The following COL18A1 variants were observed in gnomAD, a reference collection of about 807,000 sequenced individuals.
COL18A1 encodes the protein collagen alpha-1(XVIII) chain.
In COL18A1, 133 loss-of-function variants were observed where a neutral mutation model predicts 168.0. The observed-to-expected ratio is 0.79, with a 90% CI of 0.69 to 0.91. COL18A1 has a LOEUF of 0.91. Ranked by LOEUF, COL18A1 falls within the 40% of genes least tolerant of loss-of-function variation. The pLI, the probability that COL18A1 is intolerant of heterozygous loss-of-function variation, is 0.00. For missense variants in COL18A1, 2,126 were observed against 1,925.4 expected, an observed-to-expected ratio of 1.10 and a Z score of -1.95; for synonymous variants, 949 against 809.0, an observed-to-expected ratio of 1.17 and a Z score of -2.94.
Position 45,456,080 on chromosome 21 carries a change from G to A in COL18A1, c.107-12162G>A, listed in dbSNP as rs749957649. 6.2e-6 allele frequency: 10 copies of A among 1,602,568 alleles called. No homozygotes were observed. Among genetic ancestry groups the A allele is most frequent in the East Asian group, 2.2e-5 (1 of 44,648 alleles). On this transcript the variant is annotated intron_variant, in intron 2 of 41. Coordinates refer to ENST00000651438, the MANE Select transcript of COL18A1 (RefSeq NM_001379500.1). ...TAGCTCTCCGGGCGCCCACACAACC[G>A]AGGCTGGCACCTTGCCTGCACCCAC...
Position 45,504,496 on chromosome 21 carries a change from C to T in COL18A1, c.2808C>T (p.Ser936=). The change falls in exon 34 of 42, where the codon AGC becomes AGT. Residue 936 remains serine, a synonymous_variant. Coordinates refer to ENST00000651438, the MANE Select transcript of COL18A1 (RefSeq NM_001379500.1). Reference sequence around the variant, plus strand: ...GGGGCGGCGGTTTCTTCGGCTCCAGCCTGCCCGGCCCCCCCGGCCCCCCAG... The same window carrying T: ...GGGGCGGCGGTTTCTTCGGCTCCAGTCTGCCCGGCCCCCCCGGCCCCCCAG... ...EPGGGGFFGS[S]LPGPPGPPGP... 6.6e-7 allele frequency: 1 copy of T among 1,516,218 alleles called. No individual in the cohort carries two copies. The highest frequency in any genetic ancestry group is 8.8e-7 in the Non-Finnish European group (1 of 1,141,898). The allele number at this position is 1,516,218 out of a possible 1,614,324, so 93.9% of individuals were successfully genotyped here. A position where few individuals can be genotyped will look rare whatever the true frequency, so the allele number is the denominator to read the frequency against.
At chr21:45,495,228 G>A (rs2036489190) in intron 28 of COL18A1, 130 bp from the exon 29 acceptor site, 1 of 783,202 alleles carries the variant, frequency 1.3e-6, no homozygotes, top group Non-Finnish European at 2.2e-6. Context: ...GGTAGCCTGA[G>A]AGCTGGGAAC....
At position 45,459,545 on chromosome 21, in the gene COL18A1, C is replaced by T. The variant is rs139277671; in HGVS notation, c.107-8697C>T. Among the ~76,000 whole-genome samples the T allele has an allele frequency of 1.6e-4, 24 of 152,360 alleles. No homozygotes were observed. In the East Asian group the frequency reaches 4.2e-3, roughly 27 times the overall value. On this transcript the variant is annotated intron_variant, in intron 2 of 41. Coordinates refer to ENST00000651438, the MANE Select transcript of COL18A1 (RefSeq NM_001379500.1). ...GCACTGCCCTGTGTGTCCACCCCGC[C>T]GGCCCACCTCGAGGAGAGTGTGGGG...
At chr21:45,437,459 G>GGCACTCTCCTGC (rs1185932301) in intron 2 of COL18A1, among the ~76,000 whole-genome samples, 93 of 3,848 alleles carry the variant, frequency 0.024, 7 homozygotes, top group African/African-American at 0.051. Flanking sequence ...CTCACAGACA[G>GGCACTCTCCTGC]ACACACAGGC....
In COL18A1 at chr21:45,438,963, A is replaced by G. The variant is rs558973433; in HGVS notation, c.107-29279A>G. ...GCTGTGGGTCTGTGTGGAGATGGATACCGAAAGCCACAGGACGTGCTTAGG... is the reference window on the plus strand; with the variant it reads ...GCTGTGGGTCTGTGTGGAGATGGATGCCGAAAGCCACAGGACGTGCTTAGG... On this transcript the variant is annotated intron_variant, in intron 2 of 41. Transcript: ENST00000651438. Among the ~76,000 whole-genome samples, 15 of 152,224 alleles carry G rather than the reference A, an allele frequency of 9.9e-5. No homozygotes were observed. The South Asian group carries it at 2.9e-3, about 29-fold the overall frequency.
In COL18A1 at chr21:45,494,928, G is replaced by T. The variant is rs1286238313; in HGVS notation, c.2433+13G>T. Reference sequence around the variant, plus strand: ...TCCTGGACGGCCGGTGAGGACCTGGGGTCTCCAGTGGGGGCGGCAGATGGG... The same window carrying T: ...TCCTGGACGGCCGGTGAGGACCTGGTGTCTCCAGTGGGGGCGGCAGATGGG... On this transcript the variant is annotated intron_variant, in intron 28 of 41. Transcript: ENST00000651438. 3 of 1,608,188 alleles carry T rather than the reference G, an allele frequency of 1.9e-6. No homozygotes were observed. Among genetic ancestry groups the T allele is most frequent in the Non-Finnish European group, 2.5e-6 (3 of 1,177,554 alleles).
At chr21:45,499,249 G>A (rs1014211956) in intron 32 of COL18A1, among the ~76,000 whole-genome samples, 6 of 151,878 alleles carry the variant, frequency 4.0e-5, no homozygotes, top group Admixed American at 1.3e-4. Context: ...CTCCAGACCC[G>A]AGCTGTGTCG....
In COL18A1 at chr21:45,511,242, C is replaced by G; in HGVS notation, c.3809+16C>G. ...ACCCCACCTGGTAGGTTCCCAGTGCCGTGTGAGCAGCTCTGAGAGCCCCAG... is the reference window on the plus strand; with the variant it reads ...ACCCCACCTGGTAGGTTCCCAGTGCGGTGTGAGCAGCTCTGAGAGCCCCAG... On this transcript the variant is annotated intron_variant, in intron 41 of 41. Transcript: ENST00000651438. The G allele has an allele frequency of 7.2e-7, 1 of 1,392,716 alleles. No homozygotes were observed. Among genetic ancestry groups the G allele is most frequent in the Non-Finnish European group, 1.0e-6 (1 of 996,740 alleles). 86.3% of individuals were successfully genotyped at this position (1,392,716 alleles called of 1,614,324 possible).
intron 3 of COL18A1, among the ~76,000 whole-genome samples, chr21:45,472,306 C>A (rs2035464154): frequency 6.6e-6 from 1 of 151,888 alleles, no homozygotes. Context: ...TCACTGCAAG[C>A]TCTGCCTCCC....
In COL18A1 at chr21:45,480,778, A is replaced by G. The variant is rs763660297; in HGVS notation, c.1531A>G (p.Asn511Asp). The G allele has an allele frequency of 2.5e-6, 4 of 1,611,402 alleles. No homozygotes were observed. Among genetic ancestry groups the G allele is most frequent in the East Asian group, 4.5e-5 (2 of 44,864 alleles). The change falls in exon 13 of 42, where the codon AAC becomes GAC. Residue 511 changes from asparagine (N) to aspartate (D), a missense_variant. Transcript: ENST00000651438. ...LPGEPGRFGVNSSDVPGPAGL... is the reference protein window; with the variant it reads ...LPGEPGRFGVDSSDVPGPAGL... ...CGGCGAGCCAGGCCGCTTTGGGGTG[A>G]ACAGCTCCGACGTCCCAGGACCCGC...
intron 2 of COL18A1, chr21:45,422,713 G>A (rs1015821481): frequency 1.4e-5 from 4 of 295,530 alleles, no homozygotes; most frequent in Admixed American, 4.9e-5. Flanking sequence ...TGGGTGAGGC[G>A]GGGCTGTGGG....
chr21:45,482,985 G>A (rs563247614), intron 15 of COL18A1, among the ~76,000 whole-genome samples, 164 bp downstream of exon 15: 2 of 152,330 alleles, frequency 1.3e-5, no homozygotes, highest in South Asian at 2.1e-4. Context: ...CCGGAATCGC[G>A]GGCAGCAGCC....
intron 2 of COL18A1, among the ~76,000 whole-genome samples, chr21:45,429,786 C>T (rs1321977052): frequency 6.6e-6 from 1 of 152,174 alleles, no homozygotes; most frequent in South Asian, 2.1e-4. Flanking sequence ...TCCTCTGGGC[C>T]CATGTGCACG....
chr21:45,406,160 T>G (rs2033102642), intron 2 of COL18A1, among the ~76,000 whole-genome samples: 1 of 152,090 alleles, frequency 6.6e-6, no homozygotes, highest in Non-Finnish European at 1.5e-5. Flanking sequence ...CCCCACCACC[T>G]GCTAACCGGG....
At position 45,497,090 on chromosome 21, in the gene COL18A1, C is replaced by T. The variant is rs773370527; in HGVS notation, c.2618C>T (p.Pro873Leu). ...ESSRPGPPGL[P>L]GNQGPPGPKG... ...AGCCGCCCCGGGCCTCCAGGATTGC[C>T]AGGTGAGGGTCCTGGGCTCACAGCT... Residue 873 changes from proline (P) to leucine (L), a missense_variant and splice_region_variant, in exon 31 of 42, where the codon CCA (proline) becomes CTA (leucine). Transcript: ENST00000651438. 6.9e-6 allele frequency: 11 copies of T among 1,582,860 alleles called. No individual in the cohort carries two copies. Among genetic ancestry groups the T allele is most frequent in the Non-Finnish European group, 9.5e-6 (11 of 1,160,020 alleles).
intron 2 of COL18A1, among the ~76,000 whole-genome samples, chr21:45,461,329 C>T (rs113033473): frequency 0.028 from 4,297 of 152,096 alleles, 212 homozygotes; most frequent in African/African-American, 0.097. Context: ...GTCCAACAGG[C>T]GAAATGAAAG....
chr21:45,477,646 T>G (rs1020361594), intron 7 of COL18A1, 104 bp from the exon 8 acceptor site: 1 of 1,321,618 alleles, frequency 7.6e-7, no homozygotes, highest in East Asian at 2.5e-5. Context: ...GTGTCCACTG[T>G]GGGAAGCAGC....
At chr21:45,494,672 C>G in intron 27 of COL18A1, 101 bp downstream of exon 27, 1 of 1,539,640 alleles carries the variant, frequency 6.5e-7, no homozygotes, top group Non-Finnish European at 9.0e-7. Flanking sequence ...CGGCCCAGGG[C>G]TCATCTCCCT....
chr21:45,407,802 C>T (rs910680406), intron 2 of COL18A1, among the ~76,000 whole-genome samples: 7 of 152,262 alleles, frequency 4.6e-5, no homozygotes, highest in Non-Finnish European at 1.0e-4. Flanking sequence ...CCACTAGGAC[C>T]TCCTCCTGTC....
Sources: gnomAD v4.1 joint callset for allele counts (sites outside exome capture counted in the v4.1 genomes callset) on GRCh38, gnomAD v4.1.1 for gene constraint, MANE v1.5 for transcripts, NCBI Gene and HGNC (gene_info 2026-07-23, HGNC 2026-07-21) for gene names.